HTR4: variants seen among roughly 807,000 people sequenced by gnomAD.
HTR4 encodes the protein 5-hydroxytryptamine (serotonin) receptor 4, G protein-coupled.
Under a neutral mutation model 36.8 loss-of-function variants are expected in HTR4, and 16 were observed. The ratio of observed to expected loss-of-function variants is 0.43; its 90% confidence interval spans 0.29 to 0.66. HTR4 has a LOEUF of 0.66. HTR4 is among the 30% of genes least tolerant of loss of function. HTR4 has a pLI of 0.13. For synonymous variants in HTR4, 189 were observed against 185.1 expected (o/e 1.02, Z -0.17); for missense variants, 438 against 490.9 (o/e 0.89, Z 1.02).
chr5:148,622,668 T>A (rs1047535144), intron 2 of HTR4, among the ~76,000 whole-genome samples: 1 of 152,236 alleles, frequency 6.6e-6, no homozygotes, highest in Non-Finnish European at 1.5e-5. Flanking sequence ...ACCTCTCAAA[T>A]TTTCATTTTC....
In HTR4 at chr5:148,499,756, G is replaced by T. The variant is rs59695442; in HGVS notation, c.1076+9700C>A. Among the ~76,000 whole-genome samples the T allele has an allele frequency of 1.2e-3, 189 of 152,280 alleles. 3 individuals are homozygous for T. The highest frequency in any genetic ancestry group is 4.5e-3 in the African/African-American group (185 of 41,552). ...GGTTGGGCCTAGTGTGAGGTGTCTGGGTTATGGGGGTGGAGGCCACATGAA... is the reference window on the plus strand; with the variant it reads ...GGTTGGGCCTAGTGTGAGGTGTCTGTGTTATGGGGGTGGAGGCCACATGAA... On this transcript the variant is annotated intron_variant, in intron 6 of 6. Coordinates refer to ENST00000377888, the MANE Select transcript of HTR4 (RefSeq NM_000870.7).
intron 2 of HTR4, among the ~76,000 whole-genome samples, chr5:148,576,125 A>AAAAAAAAAAAAAAAAAAC (rs1760902010): frequency 7.0e-6 from 1 of 142,776 alleles, no homozygotes; most frequent in African/African-American, 2.9e-5. Context: ...AAAAAAAAAA[A>AAAAAAAAAAAAAAAAAAC]AAAAAAAACA....
At chr5:148,555,115 C>T (rs1759883555) in intron 2 of HTR4, among the ~76,000 whole-genome samples, 1 of 152,016 alleles carries the variant, frequency 6.6e-6, no homozygotes, top group Non-Finnish European at 1.5e-5. Flanking sequence ...TATCAAGGTA[C>T]TGTACAGGGC....
At chr5:148,637,121 C>T in intron 1 of HTR4, 60 bp from the exon 2 acceptor site, 1 of 1,142,040 alleles carries the variant, frequency 8.8e-7, no homozygotes, top group Non-Finnish European at 1.3e-6. Context: ...AATACAAGTC[C>T]TTGTTTTAAA....
intron 6 of HTR4, among the ~76,000 whole-genome samples, chr5:148,503,421 A>C (rs1358478041): frequency 9.9e-5 from 15 of 152,142 alleles, no homozygotes; most frequent in Non-Finnish European, 1.3e-4. Context: ...GAAATAAAAT[A>C]CTTTACAGAC....
At position 148,654,505 on chromosome 5, in the gene HTR4, C is replaced by T; in HGVS notation, c.-491G>A. The T allele has an allele frequency of 2.0e-6, 2 of 985,546 alleles. No homozygotes were observed. Among genetic ancestry groups the T allele is most frequent in the Non-Finnish European group, 2.4e-6 (2 of 830,000 alleles). 61.1% of individuals were successfully genotyped at this position (985,546 alleles called of 1,614,324 possible). On this transcript the variant is annotated 5_prime_UTR_variant, in exon 1 of 7. Transcript: ENST00000377888. ...TCCGGGCTGGCCAGCACGCGCCCTC[C>T]CTGGCCGGAGCGCTGCTCATCTGAT...
intron 2 of HTR4, among the ~76,000 whole-genome samples, chr5:148,603,370 A>T (rs1458622097): frequency 6.6e-6 from 1 of 152,070 alleles, no homozygotes; most frequent in Non-Finnish European, 1.5e-5. Flanking sequence ...CTAAGGATAG[A>T]GGGAAATTTT....
chr5:148,480,933 A>T (rs925622801), downstream of HTR4, among the ~76,000 whole-genome samples: 2 of 152,244 alleles, frequency 1.3e-5, no homozygotes, highest in Non-Finnish European at 2.9e-5. Flanking sequence ...AAATTATCTT[A>T]TATCTCCACA....
At position 148,600,333 on chromosome 5, in the gene HTR4, T is replaced by C. The variant is rs1275437439; in HGVS notation, c.26+36656A>G. ...TATTATATATTTTAATATATGTATA[T>C]TATTTATATATATATATTTTTTTTT... On this transcript the variant is annotated intron_variant, in intron 2 of 6. Transcript: ENST00000377888. Among the ~76,000 whole-genome samples the C allele has an allele frequency of 2.1e-5, 3 of 142,936 alleles. 1 individual carries two copies. In the East Asian group the frequency reaches 6.0e-4, roughly 28 times the overall value. The allele number at this position is 142,936 out of a possible 152,430, so 93.8% of individuals were successfully genotyped here.
chr5:148,458,651 T>G (rs1042033042), intron 5 of HTR4, among the ~76,000 whole-genome samples: 1 of 151,994 alleles, frequency 6.6e-6, no homozygotes, highest in African/African-American at 2.4e-5. Flanking sequence ...GTGGGGAGGA[T>G]GCAGGCAAAA....
chr5:148,620,045 G>A lies in HTR4; in HGVS notation c.26+16944C>T, dbSNP rs561769406. Among the ~76,000 whole-genome samples, 38 of 152,262 alleles carry A rather than the reference G, an allele frequency of 2.5e-4. No homozygotes were observed. In the South Asian group the frequency reaches 7.5e-3, roughly 30 times the overall value. On this transcript the variant is annotated intron_variant, in intron 2 of 6. Transcript: ENST00000377888. ...GAAACTAAATGTGTTGATATTTTAG[G>A]GGAAAAGAGGTAATGTAAGCAAAAG...
chr5:148,457,946 A>C (rs980900384), intron 5 of HTR4, among the ~76,000 whole-genome samples: 1 of 136,962 alleles, frequency 7.3e-6, no homozygotes, highest in Admixed American at 7.6e-5. Flanking sequence ...ATTTTAAGAT[A>C]TATTAAATAT....
Position 148,634,681 on chromosome 5 carries a change from T to A in HTR4, c.26+2308A>T, listed in dbSNP as rs144620076. ...ATTAAAGAAAAAAAACAAAAAGATA[T>A]GCAACTGTACTCTCAAAGTCCCTTA... On this transcript the variant is annotated intron_variant, in intron 2 of 6. Transcript: ENST00000377888. Among the ~76,000 whole-genome samples the A allele has an allele frequency of 5.9e-5, 9 of 152,278 alleles. No homozygotes were observed. In the East Asian group the frequency reaches 1.7e-3, roughly 29 times the overall value.
chr5:148,452,671 A>G (rs1755001940), intron 5 of HTR4, among the ~76,000 whole-genome samples: 1 of 152,208 alleles, frequency 6.6e-6, no homozygotes, highest in Non-Finnish European at 1.5e-5. Context: ...GCCTCAGTGA[A>G]GGGCATGAGT....
In HTR4 at chr5:148,482,937, A is replaced by T. The variant is rs909345185; in HGVS notation, c.*266T>A. ...GACGGGAACATGTCAGAGACACCAG[A>T]GACCACGCGGCAAAAGCAGAGAATC... On this transcript the variant is annotated 3_prime_UTR_variant, in exon 7 of 7. Transcript: ENST00000377888. 7 of 1,352,412 alleles carry T rather than the reference A, an allele frequency of 5.2e-6. No individual in the cohort carries two copies. The highest frequency in any genetic ancestry group is 6.7e-6 in the Non-Finnish European group (7 of 1,047,072). 83.8% of individuals were successfully genotyped at this position (1,352,412 alleles called of 1,614,324 possible).
At chr5:148,544,278 T>A (rs1759263833) in intron 4 of HTR4, among the ~76,000 whole-genome samples, 1 of 102,300 alleles carries the variant, frequency 9.8e-6, no homozygotes, top group Non-Finnish European at 2.7e-5. Flanking sequence ...TCTCTCTCTT[T>A]CTCTCTTTCT....
intron 2 of HTR4, among the ~76,000 whole-genome samples, chr5:148,615,046 A>C (rs1352463264): frequency 1.2e-4 from 17 of 136,926 alleles, no homozygotes; most frequent in African/African-American, 3.8e-4. Context: ...GCTGGAGAGG[A>C]TGTGGAGAAA....
intron 2 of HTR4, chr5:148,629,488 G>A (rs1344495650): frequency 6.6e-6 from 1 of 152,140 alleles, no homozygotes. Flanking sequence ...GGGAAGCTTT[G>A]AGGCCTACAG....
intron 6 of HTR4, among the ~76,000 whole-genome samples, chr5:148,493,837 T>A (rs1463340074): frequency 6.6e-6 from 1 of 152,200 alleles, no homozygotes; most frequent in Non-Finnish European, 1.5e-5. Context: ...TCCTCATTCA[T>A]CTTTGATTTA....
Sources: gnomAD v4.1 joint callset for allele counts (sites outside exome capture counted in the v4.1 genomes callset) on GRCh38, gnomAD v4.1.1 for gene constraint, MANE v1.5 for transcripts, NCBI Gene and HGNC (gene_info 2026-07-23, HGNC 2026-07-21) for gene names.